NEGR1: variants seen among roughly 807,000 people sequenced by gnomAD.
NEGR1 encodes the protein neuronal growth regulator 1.
A neutral mutation model predicts 40.9 loss-of-function variants in NEGR1; 10 were observed. The ratio of observed to expected loss-of-function variants is 0.24; its 90% CI spans 0.15 to 0.42. The LOEUF (loss-of-function observed/expected upper bound fraction) is 0.42, where lower values mean the gene tolerates loss of function less well. Among genes scored for constraint, NEGR1 ranks in the 10% least tolerant of loss-of-function variants. The pLI is 1.00. For synonymous variants in NEGR1, 185 were observed against 166.8 expected, an observed-to-expected ratio of 1.11 and a Z score of -0.84; for missense variants, 352 against 438.9, an observed-to-expected ratio of 0.80 and a Z score of 1.77.
At chr1:72,036,935 A>G (rs1271868841) in intron 1 of NEGR1, among the ~76,000 whole-genome samples, 1 of 152,126 alleles carries the variant, frequency 6.6e-6, no homozygotes, top group Non-Finnish European at 1.5e-5. Context: ...CAGTAAAATA[A>G]GAGCTTTTAA....
intron 1 of NEGR1, among the ~76,000 whole-genome samples, chr1:71,988,321 T>C (rs1219580234): frequency 2.0e-5 from 3 of 152,146 alleles, no homozygotes; most frequent in East Asian, 1.9e-4. Flanking sequence ...GGGTGGATTA[T>C]GAGGTCAGGA....
chr1:72,092,441 A>T (rs1557522444), intron 1 of NEGR1, among the ~76,000 whole-genome samples: 1 of 152,110 alleles, frequency 6.6e-6, no homozygotes, highest in African/African-American at 2.4e-5. Context: ...AAATTTATCT[A>T]TTTATTGACT....
At position 72,232,634 on chromosome 1, in the gene NEGR1, T is replaced by C. The variant is rs193050758; in HGVS notation, c.176+49685A>G. 2.5e-4 allele frequency among the ~76,000 whole-genome samples: 38 copies of C among 152,256 alleles called. No homozygotes were observed. In the Middle Eastern group the frequency reaches 0.014, roughly 55 times the overall value. ...TCTTTTAGTGTAATAGCAATCATTT[T>C]AATTGTATCATAGGGCCCTTTTTTT... On this transcript the variant is annotated intron_variant, in intron 1 of 6. Transcript: ENST00000357731.
intron 3 of NEGR1, among the ~76,000 whole-genome samples, chr1:71,739,020 G>T (rs2101673726): frequency 6.6e-6 from 1 of 151,954 alleles, no homozygotes; most frequent in East Asian, 1.9e-4. Context: ...CACCATGATG[G>T]TTAATACTGA....
chr1:72,161,013 T>C (rs946674230), intron 1 of NEGR1, among the ~76,000 whole-genome samples: 13 of 152,140 alleles, frequency 8.5e-5, no homozygotes, highest in Non-Finnish European at 5.9e-5. Flanking sequence ...TAGGGGCAAT[T>C]AGGTGGATTC....
intron 2 of NEGR1, among the ~76,000 whole-genome samples, chr1:71,819,956 G>A (rs1658365631): frequency 6.6e-6 from 1 of 151,990 alleles, no homozygotes; most frequent in Non-Finnish European, 1.5e-5. Flanking sequence ...ATAGCTCTCT[G>A]GGCAAGAACC....
intron 4 of NEGR1, among the ~76,000 whole-genome samples, chr1:71,629,922 T>C (rs1650918294): frequency 6.6e-6 from 1 of 152,022 alleles, no homozygotes; most frequent in Non-Finnish European, 1.5e-5. Context: ...TATGACCAAA[T>C]ACTGACATCA....
At chr1:71,652,942 T>C (rs1465592314) in intron 4 of NEGR1, among the ~76,000 whole-genome samples, 1 of 152,174 alleles carries the variant, frequency 6.6e-6, no homozygotes, top group Non-Finnish European at 1.5e-5. Flanking sequence ...TGGTAAATTA[T>C]TTTCTTCTCT....
chr1:71,396,609 G>GA lies in NEGR1; in HGVS notation c.*10836dup, dbSNP rs2101242619. The GA allele has an allele frequency of 1.3e-5, 2 of 152,354 alleles. No individual in the cohort carries two copies. The highest frequency in any genetic ancestry group is 3.9e-4 in the East Asian group (2 of 5,190). 9.4% of individuals were successfully genotyped at this position (152,354 alleles called of 1,614,324 possible). ...CATTTTGAATTCCCACATATTGTGA[G>GA]AGGGACTTGGTGGGAGGTAATTGAA... is the stretch of plus-strand genomic sequence containing the variant. On this transcript the variant is annotated 3_prime_UTR_variant, in exon 7 of 7. Transcript: ENST00000357731.
At chr1:71,523,176 G>T (rs1647173313) in intron 6 of NEGR1, among the ~76,000 whole-genome samples, 1 of 151,826 alleles carries the variant, frequency 6.6e-6, no homozygotes, top group Non-Finnish European at 1.5e-5. Context: ...AGTTTGGGTT[G>T]TTGGGTTGTT....
intron 6 of NEGR1, among the ~76,000 whole-genome samples, chr1:71,417,001 T>A (rs980519673): frequency 6.6e-6 from 1 of 152,210 alleles, no homozygotes; most frequent in African/African-American, 2.4e-5. Flanking sequence ...GATCAAATGA[T>A]GTGCTTAAAT....
intron 4 of NEGR1, among the ~76,000 whole-genome samples, chr1:71,656,307 A>C (rs989619285): frequency 6.6e-6 from 1 of 152,220 alleles, no homozygotes; most frequent in Admixed American, 6.5e-5. Flanking sequence ...TTCTAACAGG[A>C]AAGAATCCCT....
chr1:71,900,061 A>G (rs538093969), intron 2 of NEGR1, among the ~76,000 whole-genome samples: 33 of 152,294 alleles, frequency 2.2e-4, no homozygotes, highest in Admixed American at 5.9e-4. Context: ...AGTAGTTTCC[A>G]TTTCTCTACC....
intron 2 of NEGR1, among the ~76,000 whole-genome samples, chr1:71,778,113 A>G (rs546586965): frequency 7.9e-5 from 12 of 152,152 alleles, no homozygotes; most frequent in African/African-American, 2.9e-4. Context: ...TATATTTTAG[A>G]TATTTAGTTG....
intron 6 of NEGR1, among the ~76,000 whole-genome samples, chr1:71,521,697 A>G (rs1408578468): frequency 3.3e-5 from 5 of 151,988 alleles, no homozygotes; most frequent in African/African-American, 1.2e-4. Context: ...TGTTACCATT[A>G]AGTGTATAGG....
chr1:71,707,711 G>T (rs1466012369), intron 3 of NEGR1, among the ~76,000 whole-genome samples: 1 of 152,064 alleles, frequency 6.6e-6, no homozygotes, highest in Non-Finnish European at 1.5e-5. Flanking sequence ...GAGCTATATT[G>T]ACTTCAGGTC....
chr1:71,750,932 C>G (rs1371200176), intron 3 of NEGR1, among the ~76,000 whole-genome samples: 3 of 151,984 alleles, frequency 2.0e-5, no homozygotes, highest in African/African-American at 7.3e-5. Flanking sequence ...GTTATATATT[C>G]CATCTATAGA....
intron 2 of NEGR1, among the ~76,000 whole-genome samples, chr1:71,905,803 G>T (rs1374263590): frequency 6.7e-6 from 1 of 149,468 alleles, no homozygotes; most frequent in Non-Finnish European, 1.5e-5. Context: ...AGGTCAGTAG[G>T]ACAGGAACAT....
intron 4 of NEGR1, among the ~76,000 whole-genome samples, chr1:71,685,323 CTTT>C (rs10667208): frequency 2.2e-5 from 3 of 136,630 alleles, no homozygotes; most frequent in African/African-American, 2.7e-5. Context: ...ATTGACATTA[CTTT>C]TTTTTTTTTT....
Sources: gnomAD v4.1 joint callset for allele counts (sites outside exome capture counted in the v4.1 genomes callset) on GRCh38, gnomAD v4.1.1 for gene constraint, MANE v1.5 for transcripts, NCBI Gene and HGNC (gene_info 2026-07-23, HGNC 2026-07-21) for gene names.